GPHN: variants seen among roughly 807,000 people sequenced by gnomAD.
The protein encoded by GPHN is gephyrin.
GPHN carries 17 observed loss-of-function variants against 95.5 expected under a neutral mutation model. The observed-to-expected ratio is 0.18, with a 90% CI of 0.12 to 0.27. The LOEUF is 0.27. Among genes scored for constraint, GPHN ranks in the 10% least tolerant of loss-of-function variants. GPHN has a pLI of 1.00. For missense variants in GPHN, 660 were observed against 978.1 expected, an observed-to-expected ratio of 0.67 and a Z score of 4.34; for synonymous variants, 320 against 322.5, an observed-to-expected ratio of 0.99 and a Z score of 0.08.
chr14:66,512,512 G>A (rs1178228202), intron 1 of GPHN, among the ~76,000 whole-genome samples: 3 of 151,614 alleles, frequency 2.0e-5, no homozygotes, highest in African/African-American at 4.8e-5. Flanking sequence ...ATGAGAAAAA[G>A]GTACAAATTT....
chr14:67,071,567 G>A (rs1168091924), intron 11 of GPHN, among the ~76,000 whole-genome samples: 2 of 151,794 alleles, frequency 1.3e-5, no homozygotes, highest in African/African-American at 2.4e-5. Flanking sequence ...CACCAACATG[G>A]CACATGTATA....
chr14:66,979,703 CA>C (rs1262302204), intron 9 of GPHN, among the ~76,000 whole-genome samples: 1 of 152,126 alleles, frequency 6.6e-6, no homozygotes, highest in Non-Finnish European at 1.5e-5. Context: ...AATTTCCTTC[CA>C]GAACTTTTCC....
the GPHN span, chr14:67,279,219 G>C: frequency 6.2e-7 from 1 of 1,612,254 alleles, no homozygotes; most frequent in Admixed American, 1.7e-5. Flanking sequence ...ATCAGACAGC[G>C]AAGTAAAAAA....
the GPHN span, among the ~76,000 whole-genome samples, chr14:67,643,253 A>G: frequency 6.6e-6 from 1 of 152,242 alleles, no homozygotes; most frequent in African/African-American, 2.4e-5. Context: ...AATTTGTGAT[A>G]TATTAAGGCC....
chr14:67,350,497 A>T, the GPHN span: 1 of 790,192 alleles, frequency 1.3e-6, no homozygotes, highest in Non-Finnish European at 2.0e-6. Flanking sequence ...TCTTATTATT[A>T]CTATATCATT....
intron 1 of GPHN, among the ~76,000 whole-genome samples, chr14:66,661,717 C>A (rs1240874973): frequency 6.6e-6 from 1 of 152,124 alleles, no homozygotes; most frequent in Non-Finnish European, 1.5e-5. Flanking sequence ...CTCCAGCCAC[C>A]CTCACTTGTA....
intron 13 of GPHN, among the ~76,000 whole-genome samples, chr14:67,108,574 A>G (rs2078175189): frequency 6.6e-6 from 1 of 152,146 alleles, no homozygotes; most frequent in African/African-American, 2.4e-5. Flanking sequence ...TTCAATAAAT[A>G]TTAGTTATTG....
intron 10 of GPHN, among the ~76,000 whole-genome samples, chr14:67,030,279 A>G (rs891692754): frequency 6.6e-6 from 1 of 152,180 alleles, no homozygotes; most frequent in Non-Finnish European, 1.5e-5. Flanking sequence ...TCAAGGAGTA[A>G]CATCACTAGC....
chr14:67,724,033 C>T, the GPHN span, among the ~76,000 whole-genome samples: 2 of 152,248 alleles, frequency 1.3e-5, no homozygotes, highest in Non-Finnish European at 2.9e-5. Flanking sequence ...GTGCCACCCC[C>T]CACAGAGTGC....
chr14:67,124,636 C>G (rs2079193021), intron 17 of GPHN, among the ~76,000 whole-genome samples: 1 of 152,172 alleles, frequency 6.6e-6, no homozygotes, highest in Admixed American at 6.5e-5. Context: ...CTTGAAACTT[C>G]ATGGAACAAA....
intron 2 of GPHN, among the ~76,000 whole-genome samples, chr14:66,763,585 G>A (rs2058843063): frequency 1.3e-5 from 2 of 151,336 alleles, no homozygotes; most frequent in Non-Finnish European, 1.5e-5. Flanking sequence ...ATTTTTTATG[G>A]CTGCATAGTA....
Position 66,940,230 on chromosome 14 carries a change from G to GT in GPHN, c.828+15938_828+15939insT, listed in dbSNP as rs1555446705. 4.5e-3 allele frequency among the ~76,000 whole-genome samples: 654 copies of GT among 144,918 alleles called. 4 individuals carry two copies. The highest frequency in any genetic ancestry group is 0.015 in the South Asian group (69 of 4,568). On this transcript the variant is annotated intron_variant, in intron 8 of 22. Transcript: ENST00000478722. ...GAAGAGAGGACAGGGAAGGAAAAAGGAAAAAAAAAAAAGAAGGCGTTTTGT... is the reference window on the plus strand; with the variant it reads ...GAAGAGAGGACAGGGAAGGAAAAAGGTAAAAAAAAAAAAGAAGGCGTTTTGT...
At chr14:67,643,883 G>T in the GPHN span, among the ~76,000 whole-genome samples, 18,367 of 85,710 alleles carry the variant, frequency 0.21, 1,540 homozygotes, top group South Asian at 0.45. Flanking sequence ...AAAAAAAAAA[G>T]ACTCAGGTTG....
At chr14:66,939,005 A>G (rs1434645323) in intron 8 of GPHN, among the ~76,000 whole-genome samples, 1 of 152,222 alleles carries the variant, frequency 6.6e-6, no homozygotes, top group African/African-American at 2.4e-5. Flanking sequence ...AAAAGAATTA[A>G]TTTGAACTTT....
chr14:67,515,853 G>C, the GPHN span, among the ~76,000 whole-genome samples: 1 of 152,246 alleles, frequency 6.6e-6, no homozygotes, highest in African/African-American at 2.4e-5. Flanking sequence ...TCAGTTCATG[G>C]AAACAGCCAT....
At chr14:67,128,331 A>G (rs936020176) in intron 17 of GPHN, among the ~76,000 whole-genome samples, 1 of 151,066 alleles carries the variant, frequency 6.6e-6, no homozygotes. Flanking sequence ...ATCTCGGCTC[A>G]CTGCAACATC....
At chr14:67,363,170 G>C in the GPHN span, among the ~76,000 whole-genome samples, 1 of 151,810 alleles carries the variant, frequency 6.6e-6, no homozygotes, top group African/African-American at 2.4e-5. Context: ...TCAAATTTGA[G>C]AGCTTTACAT....
chr14:67,661,211 A>G, the GPHN span, among the ~76,000 whole-genome samples: 4 of 140,960 alleles, frequency 2.8e-5, no homozygotes, highest in Non-Finnish European at 4.6e-5. Context: ...CCCAATCTTA[A>G]TGAGTTTGCT....
rs2061771985 is a variant in GPHN at position 66,835,687 on chromosome 14, C to T, written c.294+11121C>T. Among the ~76,000 whole-genome samples, 3 of 152,124 alleles carry T rather than the reference C, an allele frequency of 2.0e-5. No individual in the cohort carries two copies. The South Asian group carries it at 6.2e-4, about 32-fold the overall frequency. ...GTCTGCAGATGACATGATTGTATATCTAGAAAACCCCATTGTCTCAGCCCA... is the reference window on the plus strand; with the variant it reads ...GTCTGCAGATGACATGATTGTATATTTAGAAAACCCCATTGTCTCAGCCCA... On this transcript the variant is annotated intron_variant, in intron 4 of 22. Transcript: ENST00000478722.
Sources: allele counts gnomAD v4.1 joint callset (sites outside exome capture counted in the v4.1 genomes callset), GRCh38; gene constraint gnomAD v4.1.1; transcripts MANE v1.5; gene names NCBI Gene and HGNC (gene_info 2026-07-23, HGNC 2026-07-21).